The following SCAPER variants were observed in gnomAD, a reference collection of about 807,000 sequenced individuals.
The protein encoded by SCAPER is S phase cyclin A-associated protein in the endoplasmic reticulum.
Under a neutral mutation model 182.2 loss-of-function variants are expected in SCAPER, and 98 were observed. That is an observed-to-expected ratio of 0.54 (90% CI 0.46 to 0.64). The LOEUF is 0.64. Ranked by LOEUF, SCAPER falls within the 30% of genes least tolerant of loss-of-function variation. SCAPER has a pLI of 0.00. For synonymous variants in SCAPER, 605 were observed against 564.6 expected, an observed-to-expected ratio of 1.07 and a Z score of -1.01; for missense variants, 1,432 against 1,690.0, an observed-to-expected ratio of 0.85 and a Z score of 2.68.
chr15:76,404,763 A>C, intron 26 of SCAPER, 84 bp from the exon 27 acceptor site: 1 of 1,367,548 alleles, frequency 7.3e-7, no homozygotes, highest in South Asian at 1.5e-5. Context: ...TACCATACAC[A>C]GGCTTGGACC....
At chr15:76,703,910 T>TA (rs1239482821) in intron 18 of SCAPER, among the ~76,000 whole-genome samples, 1 of 152,130 alleles carries the variant, frequency 6.6e-6, no homozygotes, top group Non-Finnish European at 1.5e-5. Context: ...ATACAAATAG[T>TA]AAAATACAGT....
At chr15:76,530,156 A>C (rs968141651) in intron 23 of SCAPER, among the ~76,000 whole-genome samples, 1 of 152,214 alleles carries the variant, frequency 6.6e-6, no homozygotes, top group African/African-American at 2.4e-5. Flanking sequence ...GAATGCAGGA[A>C]TGTGCGCTAA....
rs2059625811 is a variant in SCAPER at position 76,712,242 on chromosome 15, A to G, written c.2166-6258T>C. ...TTCTCAGGTTTGTCAAAGATCAGGT[A>G]GTTGTAGATATGCGGCGTTATTTAT... On this transcript the variant is annotated intron_variant, in intron 17 of 31. Transcript: ENST00000563290. Among the ~76,000 whole-genome samples the G allele has an allele frequency of 1.3e-5, 2 of 152,116 alleles. 1 individual carries two copies. The highest frequency in any genetic ancestry group is 4.2e-4 in the South Asian group (2 of 4,812).
At chr15:76,688,267 C>A (rs1184892383) in intron 20 of SCAPER, among the ~76,000 whole-genome samples, 1 of 152,170 alleles carries the variant, frequency 6.6e-6, no homozygotes, top group South Asian at 2.1e-4. Context: ...ATATCCTCCG[C>A]CCACTTTTTG....
At chr15:76,616,360 G>A (rs1435257550) in intron 22 of SCAPER, among the ~76,000 whole-genome samples, 1 of 152,042 alleles carries the variant, frequency 6.6e-6, no homozygotes, top group Non-Finnish European at 1.5e-5. Context: ...AATGAAATAA[G>A]CCTATCACAA....
chr15:76,449,830 C>T (rs1409261882), intron 25 of SCAPER, among the ~76,000 whole-genome samples: 1 of 152,186 alleles, frequency 6.6e-6, no homozygotes, highest in African/African-American at 2.4e-5. Context: ...TCTCTCCCTC[C>T]TCTGACCTCT....
At chr15:76,762,554 T>C (rs2062856255) in intron 14 of SCAPER, among the ~76,000 whole-genome samples, 2 of 152,170 alleles carry the variant, frequency 1.3e-5, no homozygotes, top group South Asian at 4.1e-4. Context: ...CTATGTGTTT[T>C]TGAAGTCAGA....
intron 8 of SCAPER, among the ~76,000 whole-genome samples, chr15:76,785,587 T>C (rs994511954): frequency 1.3e-5 from 2 of 152,224 alleles, no homozygotes; most frequent in African/African-American, 2.4e-5. Context: ...CGTATGTTTA[T>C]TGTGGCACTA....
At chr15:76,750,560 T>C (rs1176398400) in intron 15 of SCAPER, among the ~76,000 whole-genome samples, 4 of 151,826 alleles carry the variant, frequency 2.6e-5, no homozygotes, top group Non-Finnish European at 5.9e-5. Flanking sequence ...ATTAAAAGGA[T>C]TATACACCAT....
At chr15:76,500,253 C>G (rs1219070258) in intron 24 of SCAPER, among the ~76,000 whole-genome samples, 1 of 152,194 alleles carries the variant, frequency 6.6e-6, no homozygotes, top group East Asian at 1.9e-4. Flanking sequence ...ACTGTGTCCA[C>G]AGGGACGATG....
intron 20 of SCAPER, among the ~76,000 whole-genome samples, chr15:76,678,900 T>G (rs2057525684): frequency 6.6e-6 from 1 of 152,124 alleles, no homozygotes; most frequent in Non-Finnish European, 1.5e-5. Context: ...GCTAACTGCT[T>G]AAGTTAAGGA....
chr15:76,839,242 T>A (rs926561719), intron 5 of SCAPER, among the ~76,000 whole-genome samples: 1 of 152,178 alleles, frequency 6.6e-6, no homozygotes, highest in African/African-American at 2.4e-5. Context: ...ATTTTACATA[T>A]GAGACACAGA....
chr15:76,873,319 AAGGAAGGAAGGAAGGCAGGC>A lies in SCAPER; in HGVS notation c.6+10473_6+10492del, dbSNP rs1344881161. 1.2e-3 allele frequency among the ~76,000 whole-genome samples: 157 copies of A among 127,628 alleles called. 1 individual carries two copies. Among genetic ancestry groups the A allele is most frequent in the South Asian group, 9.6e-3 (32 of 3,346 alleles). 83.7% of individuals were successfully genotyped at this position (127,628 alleles called of 152,430 possible). A position where few individuals can be genotyped will look rare whatever the true frequency, so the allele number is the denominator to read the frequency against. ...GAAGGAAGGAAGGAAGGAAGGAAGG[AAGGAAGGAAGGAAGGCAGGC>A]AGGCAGGCAGGCAGGCAGGCAGGCA... is the stretch of plus-strand genomic sequence containing the variant. On this transcript the variant is annotated intron_variant, in intron 2 of 31. Coordinates refer to ENST00000563290, the MANE Select transcript of SCAPER (RefSeq NM_020843.4).
intron 20 of SCAPER, among the ~76,000 whole-genome samples, chr15:76,674,392 T>C (rs1045088714): frequency 1.3e-5 from 2 of 152,184 alleles, no homozygotes; most frequent in African/African-American, 4.8e-5. Context: ...CAAAGAAATA[T>C]TGCACTGCAC....
At chr15:76,730,494 A>T (rs1255611271) in intron 16 of SCAPER, among the ~76,000 whole-genome samples, 2 of 152,164 alleles carry the variant, frequency 1.3e-5, no homozygotes, top group African/African-American at 4.8e-5. Context: ...TAATATGTGG[A>T]AACTTGGTTA....
intron 9 of SCAPER, among the ~76,000 whole-genome samples, chr15:76,772,344 T>G: frequency 6.6e-6 from 1 of 152,048 alleles, no homozygotes; most frequent in East Asian, 1.9e-4. Flanking sequence ...CATGGTCTTT[T>G]GCAAAGACTG....
At chr15:76,873,315 AAGGAAGG>A (rs2072888803) in intron 2 of SCAPER, among the ~76,000 whole-genome samples, 1 of 122,220 alleles carries the variant, frequency 8.2e-6, no homozygotes, top group East Asian at 2.5e-4. Flanking sequence ...GGAAGGAAGG[AAGGAAGG>A]AAGGAAGGAA....
At chr15:76,862,861 C>T (rs2071986964) in intron 2 of SCAPER, among the ~76,000 whole-genome samples, 1 of 152,128 alleles carries the variant, frequency 6.6e-6, no homozygotes, top group African/African-American at 2.4e-5. Flanking sequence ...TGAAAGAGAC[C>T]AGTTTTCACA....
intron 23 of SCAPER, among the ~76,000 whole-genome samples, chr15:76,552,828 C>T (rs1269405393): frequency 6.6e-6 from 1 of 152,112 alleles, no homozygotes; most frequent in Non-Finnish European, 1.5e-5. Context: ...GCAGGGCAGA[C>T]TTGCCCATGG....
Sources: gnomAD v4.1 joint callset for allele counts (sites outside exome capture counted in the v4.1 genomes callset) on GRCh38, gnomAD v4.1.1 for gene constraint, MANE v1.5 for transcripts, NCBI Gene and HGNC (gene_info 2026-07-23, HGNC 2026-07-21) for gene names.